Variants in GJA1 observed in about 807,000 individuals in gnomAD.
GJA1 encodes the protein gap junction protein alpha 1.
GJA1 carries 9 observed loss-of-function variants against 31.0 expected under a neutral mutation model. The observed-to-expected ratio is 0.29, with a 90% CI of 0.17 to 0.51. The LOEUF (loss-of-function observed/expected upper bound fraction) is 0.51. Ranked by LOEUF, GJA1 falls within the 20% of genes least tolerant of loss-of-function variation. The pLI, the probability that GJA1 is intolerant of heterozygous loss-of-function variation, is 0.98. For synonymous variants in GJA1, 186 were observed against 180.1 expected (o/e 1.03, Z -0.26); for missense variants, 278 against 468.8 (o/e 0.59, Z 3.76).
Position 121,447,435 on chromosome 6 carries a change from G to T in GJA1, c.588G>T (p.Val196=). 6.2e-7 allele frequency: 1 copy of T among 1,613,962 alleles called. No homozygotes were observed. The highest frequency in any genetic ancestry group is 8.5e-7 in the Non-Finnish European group (1 of 1,179,918). ...TCKRDPCPHQ[V]DCFLSRPTEK... Reference sequence around the variant, plus strand: ...AAAGAGATCCCTGCCCACATCAGGTGGACTGTTTCCTCTCTCGCCCCACGG... The same window carrying T: ...AAAGAGATCCCTGCCCACATCAGGTTGACTGTTTCCTCTCTCGCCCCACGG... Residue 196 remains valine, a synonymous_variant, in exon 2 of 2, where the codon GTG becomes GTT. Transcript: ENST00000282561.
At chr6:121,440,737 C>A (rs559396401) in intron 1 of GJA1, among the ~76,000 whole-genome samples, 2 of 144,302 alleles carry the variant, frequency 1.4e-5, no homozygotes, top group African/African-American at 2.6e-5. Flanking sequence ...TTAATTAATT[C>A]TTTTCTTTTC....
chr6:121,438,286 T>C (rs1012320673), intron 1 of GJA1, among the ~76,000 whole-genome samples: 7 of 152,304 alleles, frequency 4.6e-5, no homozygotes, highest in African/African-American at 1.4e-4. Flanking sequence ...TCTAATGCCT[T>C]CTGAGGGTTC....
intron 1 of GJA1, among the ~76,000 whole-genome samples, chr6:121,440,493 C>G (rs1420774898): frequency 6.6e-6 from 1 of 152,046 alleles, no homozygotes; most frequent in African/African-American, 2.4e-5. Context: ...TTCTCTGTTT[C>G]AGCAATTGTC....
rs976656840 is a variant in GJA1 at position 121,449,647 on chromosome 6, G to A, written c.*1651G>A. The A allele has an allele frequency of 6.0e-6, 1 of 167,062 alleles. No individual in the cohort carries two copies. The highest frequency in any genetic ancestry group is 2.4e-5 in the African/African-American group (1 of 41,450). The allele number at this position is 167,062 out of a possible 1,614,324, so 10.3% of individuals were successfully genotyped here. A position where few individuals can be genotyped will look rare whatever the true frequency, so the allele number is the denominator to read the frequency against. On this transcript the variant is annotated 3_prime_UTR_variant, in exon 2 of 2. Transcript: ENST00000282561. ...ACGGTCATGTTCAGCTTCATTGCAT[G>A]TAATGTAGACCTAGTCCATCAGATC...
At chr6:121,444,820 C>T (rs1773858692) in intron 1 of GJA1, among the ~76,000 whole-genome samples, 2 of 152,194 alleles carry the variant, frequency 1.3e-5, no homozygotes, top group Admixed American at 1.3e-4. Context: ...CCAATTACTA[C>T]TATGTGCTGA....
In GJA1 at chr6:121,448,048, G is replaced by A; in HGVS notation, c.*52G>A. 2 of 1,526,640 alleles carry A rather than the reference G, an allele frequency of 1.3e-6. No homozygotes were observed. The highest frequency in any genetic ancestry group is 1.1e-5 in the South Asian group (1 of 89,190). The allele number at this position is 1,526,640 out of a possible 1,614,324, so 94.6% of individuals were successfully genotyped here. ...CACTCAATTGTGGAGAAGAAAAAAG[G>A]TGCTGTAGAAAGTGCACCAGGTGTT... On this transcript the variant is annotated 3_prime_UTR_variant, in exon 2 of 2. Transcript: ENST00000282561.
At chr6:121,443,287 T>C (rs112255438) in intron 1 of GJA1, among the ~76,000 whole-genome samples, 7 of 152,324 alleles carry the variant, frequency 4.6e-5, no homozygotes, top group African/African-American at 1.7e-4. Context: ...TTACCTGTTT[T>C]TGGGCAGCTG....
intron 1 of GJA1, among the ~76,000 whole-genome samples, chr6:121,441,300 G>A (rs1220844075): frequency 1.3e-5 from 2 of 151,780 alleles, no homozygotes; most frequent in African/African-American, 2.4e-5. Context: ...TGTTGGCCAG[G>A]CTGATCTCAA....
At chr6:121,437,560 T>G (rs1390703699) in intron 1 of GJA1, among the ~76,000 whole-genome samples, 1 of 151,922 alleles carries the variant, frequency 6.6e-6, no homozygotes, top group Non-Finnish European at 1.5e-5. Context: ...TGATGACGCG[T>G]CCGGGGCAAG....
At chr6:121,442,513 G>T (rs187643815) in intron 1 of GJA1, among the ~76,000 whole-genome samples, 24 of 152,276 alleles carry the variant, frequency 1.6e-4, no homozygotes, top group African/African-American at 5.8e-4. Context: ...GCTGCTCCTG[G>T]TACTCAGCCC....
At chr6:121,438,901 G>C (rs1003201345) in intron 1 of GJA1, among the ~76,000 whole-genome samples, 1 of 148,902 alleles carries the variant, frequency 6.7e-6, no homozygotes, top group South Asian at 2.1e-4. Flanking sequence ...TTTTCAAACT[G>C]TGGTTAGCTC....
intron 1 of GJA1, among the ~76,000 whole-genome samples, chr6:121,438,974 G>C (rs1283505992): frequency 6.6e-6 from 1 of 151,426 alleles, no homozygotes; most frequent in East Asian, 1.9e-4. Flanking sequence ...ATTTCCCTAT[G>C]CTTTTAAAAT....
At chr6:121,439,735 C>T (rs1773733290) in intron 1 of GJA1, among the ~76,000 whole-genome samples, 1 of 152,156 alleles carries the variant, frequency 6.6e-6, no homozygotes, top group Non-Finnish European at 1.5e-5. Flanking sequence ...GGGGTAAGAG[C>T]TGGGGAAGGA....
chr6:121,440,612 TAAG>T (rs1344168693), intron 1 of GJA1, among the ~76,000 whole-genome samples: 1 of 151,628 alleles, frequency 6.6e-6, no homozygotes, highest in Non-Finnish European at 1.5e-5. Flanking sequence ...TAACTACAAT[TAAG>T]AGAATCCCAA....
At chr6:121,436,713 A>C (rs538484540) in intron 1 of GJA1, among the ~76,000 whole-genome samples, 1 of 151,850 alleles carries the variant, frequency 6.6e-6, no homozygotes, top group African/African-American at 2.4e-5. Flanking sequence ...GCAGGAAAAA[A>C]ACTTTCTTAA....
intron 1 of GJA1, among the ~76,000 whole-genome samples, chr6:121,440,307 A>G (rs1773748295): frequency 6.6e-6 from 1 of 152,144 alleles, no homozygotes; most frequent in African/African-American, 2.4e-5. Flanking sequence ...CAAGAATCCT[A>G]ACCCTCATTA....
chr6:121,441,842 T>C (rs571530359), intron 1 of GJA1, among the ~76,000 whole-genome samples: 1 of 152,262 alleles, frequency 6.6e-6, no homozygotes, highest in South Asian at 2.1e-4. Context: ...GGTGGCTGTT[T>C]TAAGTGCGGA....
intron 1 of GJA1, 137 bp from the exon 2 acceptor site, chr6:121,446,695 C>A: frequency 1.4e-6 from 1 of 725,676 alleles, no homozygotes; most frequent in Non-Finnish European, 2.5e-6. Context: ...GAAGAGTTTG[C>A]ACTTGGTTTT....
At chr6:121,441,433 G>C (rs1000484925) in intron 1 of GJA1, among the ~76,000 whole-genome samples, 1 of 152,036 alleles carries the variant, frequency 6.6e-6, no homozygotes, top group African/African-American at 2.4e-5. Flanking sequence ...AAACTCCCTC[G>C]TATTGTTCAC....
Sources: gnomAD v4.1 joint callset for allele counts (sites outside exome capture counted in the v4.1 genomes callset) on GRCh38, gnomAD v4.1.1 for gene constraint, MANE v1.5 for transcripts, NCBI Gene and HGNC (gene_info 2026-07-23, HGNC 2026-07-21) for gene names.